Variants in ZNF704 observed in about 807,000 individuals in gnomAD.
ZNF704 encodes the protein zinc finger protein 704.
ZNF704 carries 10 observed loss-of-function variants against 44.7 expected under a neutral mutation model. That is an observed-to-expected ratio of 0.22 (90% CI 0.14 to 0.38). The LOEUF (loss-of-function observed/expected upper bound fraction) is 0.38, where lower values mean the gene tolerates loss of function less well. ZNF704 is among the 10% of genes least tolerant of loss of function. ZNF704 has a pLI of 1.00. For synonymous variants in ZNF704, 211 were observed against 207.6 expected, an observed-to-expected ratio of 1.02 and a Z score of -0.14; for missense variants, 390 against 545.5, an observed-to-expected ratio of 0.71 and a Z score of 2.84.
At chr8:80,711,004 C>T (rs538574951) in intron 2 of ZNF704, among the ~76,000 whole-genome samples, 95 of 152,176 alleles carry the variant, frequency 6.2e-4, no homozygotes, top group Non-Finnish European at 1.1e-3. Flanking sequence ...CTAATTCTTC[C>T]GGGAGACAGG....
chr8:80,847,636 A>G (rs1808789199), intron 1 of ZNF704, among the ~76,000 whole-genome samples: 1 of 152,226 alleles, frequency 6.6e-6, no homozygotes, highest in South Asian at 2.1e-4. Flanking sequence ...AATGAAACAG[A>G]ACAGAGGACC....
chr8:80,813,740 G>A (rs540352855), intron 2 of ZNF704, among the ~76,000 whole-genome samples: 5 of 152,182 alleles, frequency 3.3e-5, no homozygotes, highest in African/African-American at 7.2e-5. Flanking sequence ...TTAGCCAGGC[G>A]TGGTGGTGGG....
At chr8:80,691,005 T>A (rs1298312237) in intron 3 of ZNF704, among the ~76,000 whole-genome samples, 1 of 149,088 alleles carries the variant, frequency 6.7e-6, no homozygotes, top group Admixed American at 6.7e-5. Flanking sequence ...CGAGACTCCA[T>A]CTCAAATTAA....
In ZNF704 at chr8:80,644,074, GCTCA is replaced by G. The variant is rs1313200931; in HGVS notation, c.1033-949_1033-946del. Among the ~76,000 whole-genome samples the G allele has an allele frequency of 2.6e-5, 4 of 152,260 alleles. No homozygotes were observed. In the East Asian group the frequency reaches 7.7e-4, roughly 29 times the overall value. ...GCCACCCACCGAACACTTACTGAGCGCTCACTATGTGCAGGTACACTCACAGCAG... is the reference window on the plus strand; with the variant it reads ...GCCACCCACCGAACACTTACTGAGCGCTATGTGCAGGTACACTCACAGCAG... On this transcript the variant is annotated intron_variant, in intron 7 of 8. Transcript: ENST00000327835.
chr8:80,848,574 G>A (rs1413120373), intron 1 of ZNF704, among the ~76,000 whole-genome samples: 1 of 152,100 alleles, frequency 6.6e-6, no homozygotes, highest in Non-Finnish European at 1.5e-5. Context: ...ACTGGGTGAG[G>A]TGGTTCATGC....
In ZNF704 at chr8:80,821,499, C is replaced by T. The variant is rs1313799101; in HGVS notation, c.96G>A (p.Val32=). Residue 32 remains valine (V), a synonymous_variant, in exon 2 of 9, where the codon GTG becomes GTA. Transcript: ENST00000327835. The stretch of plus-strand genomic sequence containing the variant: ...TGGCTTTTTTGGTGTCTGCTGTTTT[C>T]ACATCTTCCTCCATGGCCAAGGAAA... ...HVFSLAMEED[V]KTADTKKASR... is the part of the protein sequence containing the mutation. 2 of 1,614,062 alleles carry T rather than the reference C, an allele frequency of 1.2e-6. No individual in the cohort carries two copies. The highest frequency in any genetic ancestry group is 1.7e-6 in the Non-Finnish European group (2 of 1,179,976).
chr8:80,826,364 C>G (rs1173988677), intron 1 of ZNF704, among the ~76,000 whole-genome samples: 3 of 152,132 alleles, frequency 2.0e-5, no homozygotes, highest in Admixed American at 2.0e-4. Flanking sequence ...TATACCCTCC[C>G]AAGACTAAAC....
At chr8:80,849,151 G>A (rs2129992780) in intron 1 of ZNF704, among the ~76,000 whole-genome samples, 1 of 152,248 alleles carries the variant, frequency 6.6e-6, no homozygotes, top group Non-Finnish European at 1.5e-5. Context: ...AGAACTCAGT[G>A]AAAAATGCAT....
intron 2 of ZNF704, among the ~76,000 whole-genome samples, chr8:80,706,943 T>C (rs1477959696): frequency 6.6e-6 from 1 of 152,208 alleles, no homozygotes; most frequent in Non-Finnish European, 1.5e-5. Flanking sequence ...TTAAGCTGCT[T>C]AAGTTCCAGA....
Position 80,639,530 on chromosome 8 carries a change from TTTCTC to T in ZNF704, c.*1831_*1835del, listed in dbSNP as rs1384667897. 6.6e-6 allele frequency: 1 copy of T among 152,222 alleles called. No individual in the cohort carries two copies. Among genetic ancestry groups the T allele is most frequent in the Non-Finnish European group, 1.5e-5 (1 of 68,042 alleles). 9.4% of individuals were successfully genotyped at this position (152,222 alleles called of 1,614,324 possible). On this transcript the variant is annotated 3_prime_UTR_variant, in exon 9 of 9. Coordinates refer to ENST00000327835, the MANE Select transcript of ZNF704 (RefSeq NM_001033723.3). ...AGATGCAAAATTAGATGAAGCTCTTTTTCTCTTCTCTTAAAATAAATGTTTTTAAA... is the reference window on the plus strand; with the variant it reads ...AGATGCAAAATTAGATGAAGCTCTTTTTCTCTTAAAATAAATGTTTTTAAA...
rs563333921 is a variant in ZNF704 at position 80,738,483 on chromosome 8, A to C, written c.222-45376T>G. Among the ~76,000 whole-genome samples, 42 of 152,292 alleles carry C rather than the reference A, an allele frequency of 2.8e-4. No individual in the cohort carries two copies. In the South Asian group the frequency reaches 8.5e-3, roughly 31 times the overall value. On this transcript the variant is annotated intron_variant, in intron 2 of 8. Coordinates refer to ENST00000327835, the MANE Select transcript of ZNF704 (RefSeq NM_001033723.3). ...CGTTGTTCCTACTTTCTAGATAAATATATGGCTTAAAAAAGTTAAGTACTG... is the reference window on the plus strand; with the variant it reads ...CGTTGTTCCTACTTTCTAGATAAATCTATGGCTTAAAAAAGTTAAGTACTG...
At chr8:80,696,047 A>C (rs1818719675) in intron 2 of ZNF704, among the ~76,000 whole-genome samples, 1 of 152,188 alleles carries the variant, frequency 6.6e-6, no homozygotes, top group South Asian at 2.1e-4. Flanking sequence ...CTTTTGGTAC[A>C]CTACTATCTA....
At chr8:80,857,739 T>C (rs1471942022) in intron 1 of ZNF704, among the ~76,000 whole-genome samples, 21 of 152,230 alleles carry the variant, frequency 1.4e-4, no homozygotes, top group Admixed American at 9.8e-4. Context: ...TAAAATTTAT[T>C]GGAAGGATAC....
In ZNF704 at chr8:80,634,778, C is replaced by G. The variant is rs1283395421; in HGVS notation, c.*6588G>C. The G allele has an allele frequency of 1.3e-5, 2 of 152,226 alleles. No homozygotes were observed. The highest frequency in any genetic ancestry group is 2.9e-5 in the Non-Finnish European group (2 of 68,060). The allele number at this position is 152,226 out of a possible 1,614,324, so 9.4% of individuals were successfully genotyped here. A position where few individuals can be genotyped will look rare whatever the true frequency, so the allele number is the denominator to read the frequency against. On this transcript the variant is annotated 3_prime_UTR_variant, in exon 9 of 9. Transcript: ENST00000327835. ...GAACTTGCCTGGTCCTTCTGAGGCA[C>G]TGACATTTGCAACCTCTCCTATATA...
At chr8:80,745,217 CTAAA>C (rs1806824912) in intron 2 of ZNF704, among the ~76,000 whole-genome samples, 1 of 152,094 alleles carries the variant, frequency 6.6e-6, no homozygotes, top group Non-Finnish European at 1.5e-5. Flanking sequence ...AATTCAGGAG[CTAAA>C]TAGTTTTACT....
intron 2 of ZNF704, among the ~76,000 whole-genome samples, chr8:80,805,554 C>T (rs966055836): frequency 6.6e-5 from 10 of 152,170 alleles, no homozygotes; most frequent in Non-Finnish European, 2.9e-5. Flanking sequence ...AATGAACATA[C>T]AAAACTAGAT....
rs367848866 is a variant in ZNF704, at chr8:80,700,694, G to A, written c.222-7587C>T. Among the ~76,000 whole-genome samples, 79 of 152,338 alleles carry A rather than the reference G, an allele frequency of 5.2e-4. 1 individual carries two copies. The highest frequency in any genetic ancestry group is 3.4e-3 in the Middle Eastern group (1 of 294). Reference sequence around the variant, plus strand: ...TGTGAGTTGGGGGTGATTAGATGAAGTAAGATGGACAAAATGTTAACAATT... The same window carrying A: ...TGTGAGTTGGGGGTGATTAGATGAAATAAGATGGACAAAATGTTAACAATT... On this transcript the variant is annotated intron_variant, in intron 2 of 8. Transcript: ENST00000327835.
intron 2 of ZNF704, among the ~76,000 whole-genome samples, chr8:80,718,876 T>C (rs560778187): frequency 1.6e-4 from 25 of 152,340 alleles, no homozygotes; most frequent in Admixed American, 2.6e-4. Flanking sequence ...TCCCCACATG[T>C]AAAGTTCTGG....
intron 1 of ZNF704, among the ~76,000 whole-genome samples, chr8:80,869,476 T>C (rs1809212750): frequency 6.6e-6 from 1 of 152,182 alleles, no homozygotes; most frequent in Non-Finnish European, 1.5e-5. Context: ...CATCACCCAA[T>C]ATAGAAAATA....
Sources: gnomAD v4.1 joint callset for allele counts (sites outside exome capture counted in the v4.1 genomes callset) on GRCh38, gnomAD v4.1.1 for gene constraint, MANE v1.5 for transcripts, NCBI Gene and HGNC (gene_info 2026-07-23, HGNC 2026-07-21) for gene names.